WWOX: variants seen among roughly 807,000 people sequenced by gnomAD.
WWOX encodes WW domain-containing oxidoreductase.
Under a neutral mutation model 46.2 loss-of-function variants are expected in WWOX, and 69 were observed. The ratio of observed to expected loss-of-function variants is 1.49; its 90% CI spans 1.23 to 1.82. WWOX has a LOEUF of 1.82. Among genes scored for constraint, WWOX ranks in the 40% most tolerant of loss-of-function variants. WWOX has a pLI of 0.00. For synonymous variants in WWOX, 359 were observed against 202.6 expected, an observed-to-expected ratio of 1.77 and a Z score of -6.56; for missense variants, 919 against 542.6, an observed-to-expected ratio of 1.69 and a Z score of -6.89.
At chr16:78,309,225 G>C (rs1427736831) in intron 5 of WWOX, among the ~76,000 whole-genome samples, 1 of 152,168 alleles carries the variant, frequency 6.6e-6, no homozygotes. Context: ...CCGATAGTGA[G>C]TTCTCACGTG....
chr16:78,736,727 A>G (rs80100885), intron 8 of WWOX, among the ~76,000 whole-genome samples: 3,106 of 152,224 alleles, frequency 0.02, 94 homozygotes, highest in African/African-American at 0.071. Flanking sequence ...CGTCCTGAGT[A>G]GGGAGGGCAC....
intron 8 of WWOX, among the ~76,000 whole-genome samples, chr16:78,641,309 G>C (rs117715404): frequency 2.0e-5 from 3 of 151,902 alleles, no homozygotes; most frequent in African/African-American, 7.3e-5. Context: ...TATGACAATA[G>C]GACCCATCCT....
intron 8 of WWOX, among the ~76,000 whole-genome samples, chr16:79,127,167 G>A (rs2049776327): frequency 3.3e-5 from 5 of 151,890 alleles, no homozygotes; most frequent in Admixed American, 2.6e-4. Context: ...ATATACCTAT[G>A]TGCATATATA....
At chr16:78,663,105 A>C (rs115220818) in intron 8 of WWOX, among the ~76,000 whole-genome samples, 285 of 152,260 alleles carry the variant, frequency 1.9e-3, no homozygotes, top group African/African-American at 6.5e-3. Flanking sequence ...CTAATTTCAG[A>C]ACATTTTTAT....
Position 78,499,719 on chromosome 16 carries a change from G to A in WWOX, c.1056+66967G>A, listed in dbSNP as rs1293991995. Among the ~76,000 whole-genome samples, 6 of 151,974 alleles carry A rather than the reference G, an allele frequency of 3.9e-5. No individual in the cohort carries two copies. The South Asian group carries it at 1.2e-3, about 32-fold the overall frequency. ...AACCATGTCTTATTTTTTTTAATCT[G>A]TAGCTCCAGTATCCAGCCCAGGACT... On this transcript the variant is annotated intron_variant, in intron 8 of 8. Transcript: ENST00000566780.
chr16:78,550,062 C>T lies in WWOX; in HGVS notation c.1056+117310C>T, dbSNP rs186793160. 7.2e-5 allele frequency among the ~76,000 whole-genome samples: 11 copies of T among 152,294 alleles called. No individual in the cohort carries two copies. The East Asian group carries it at 1.9e-3, about 27-fold the overall frequency. The stretch of plus-strand genomic sequence containing the variant: ...AATGTTCATGGTTGAATGAAGTTAC[C>T]TGGTAGGGATTTAATCTTTATTTCA... On this transcript the variant is annotated intron_variant, in intron 8 of 8. Transcript: ENST00000566780.
chr16:78,802,344 C>A (rs1196425701), intron 8 of WWOX, among the ~76,000 whole-genome samples: 1 of 150,612 alleles, frequency 6.6e-6, no homozygotes, highest in African/African-American at 2.4e-5. Context: ...TAAATTGTTA[C>A]AGAGAGAAAG....
intron 8 of WWOX, among the ~76,000 whole-genome samples, chr16:78,954,129 T>C (rs1380344744): frequency 1.3e-5 from 2 of 152,236 alleles, no homozygotes; most frequent in Non-Finnish European, 2.9e-5. Flanking sequence ...ATTGTTAAGA[T>C]CTGCCATAAA....
At chr16:78,543,875 G>C (rs752524359) in intron 8 of WWOX, among the ~76,000 whole-genome samples, 1 of 152,126 alleles carries the variant, frequency 6.6e-6, no homozygotes, top group Non-Finnish European at 1.5e-5. Context: ...CTGTTTATTT[G>C]TATCAAGGAC....
chr16:78,952,976 G>C (rs149261304), intron 8 of WWOX, among the ~76,000 whole-genome samples: 15 of 152,032 alleles, frequency 9.9e-5, no homozygotes, highest in African/African-American at 3.4e-4. Flanking sequence ...ACCACACAAT[G>C]CTCATGAAAA....
At chr16:78,968,946 G>C (rs1356815655) in intron 8 of WWOX, among the ~76,000 whole-genome samples, 3 of 151,688 alleles carry the variant, frequency 2.0e-5, no homozygotes, top group African/African-American at 7.3e-5. Context: ...ACTTGAAATA[G>C]CACAGCTTTT....
intron 8 of WWOX, among the ~76,000 whole-genome samples, chr16:79,171,515 T>G (rs2050699008): frequency 6.6e-6 from 1 of 152,202 alleles, no homozygotes; most frequent in South Asian, 2.1e-4. Flanking sequence ...ATTCCTTTTT[T>G]GCTGCTGTTT....
chr16:78,642,800 G>C (rs531922467), intron 8 of WWOX, among the ~76,000 whole-genome samples: 251 of 152,224 alleles, frequency 1.6e-3, no homozygotes, highest in Non-Finnish European at 3.2e-3. Flanking sequence ...ACAGATGCAG[G>C]AAAAACATCT....
intron 5 of WWOX, among the ~76,000 whole-genome samples, chr16:78,172,457 T>C (rs141384988): frequency 1.3e-4 from 20 of 152,308 alleles, no homozygotes; most frequent in African/African-American, 4.6e-4. Flanking sequence ...GTTTCCTGTC[T>C]CCAGAATACC....
chr16:78,455,643 C>CAAAAAAAAAA (rs57754374), intron 8 of WWOX, among the ~76,000 whole-genome samples: 3 of 60,510 alleles, frequency 5.0e-5, no homozygotes, highest in African/African-American at 1.4e-4. Context: ...GACTCTGTCT[C>CAAAAAAAAAA]AAAAAAAAAA....
chr16:78,183,471 T>C (rs966302435), intron 5 of WWOX, among the ~76,000 whole-genome samples: 13 of 152,132 alleles, frequency 8.5e-5, no homozygotes, highest in Non-Finnish European at 1.5e-4. Context: ...CCGGTGGAGG[T>C]TGGAATCCTG....
intron 8 of WWOX, among the ~76,000 whole-genome samples, chr16:78,848,336 T>A (rs1446758134): frequency 6.6e-6 from 1 of 152,202 alleles, no homozygotes; most frequent in Admixed American, 6.5e-5. Flanking sequence ...CCCACAGACC[T>A]TCCCAGACAG....
At chr16:78,565,995 C>T (rs1484269969) in intron 8 of WWOX, among the ~76,000 whole-genome samples, 1 of 150,186 alleles carries the variant, frequency 6.7e-6, no homozygotes, top group East Asian at 2.0e-4. Flanking sequence ...ATAGACTGGG[C>T]AGGTTAAACA....
At chr16:78,550,555 T>A (rs1420170369) in intron 8 of WWOX, among the ~76,000 whole-genome samples, 1 of 152,262 alleles carries the variant, frequency 6.6e-6, no homozygotes, top group South Asian at 2.1e-4. Context: ...ATTTTCATGG[T>A]TTTAGAACAT....
Sources: gnomAD v4.1 joint callset for allele counts (sites outside exome capture counted in the v4.1 genomes callset) on GRCh38, gnomAD v4.1.1 for gene constraint, MANE v1.5 for transcripts, NCBI Gene and HGNC (gene_info 2026-07-23, HGNC 2026-07-21) for gene names.